Variants in RCC2 observed in about 807,000 individuals in gnomAD.
RCC2 encodes the protein protein RCC2.
In RCC2, 19 loss-of-function variants were observed where a neutral mutation model predicts 64.1. That is an observed-to-expected ratio of 0.30 (90% CI 0.21 to 0.44). The LOEUF is 0.44. Among genes scored for constraint, RCC2 ranks in the 20% least tolerant of loss-of-function variants. The probability of loss-of-function intolerance (pLI) is 1.00; values close to 1 mark genes in which losing one functional copy is unlikely to be tolerated. For synonymous variants in RCC2, 325 were observed against 279.6 expected (o/e 1.16, Z -1.62); for missense variants, 508 against 710.4 (o/e 0.72, Z 3.24).
chr1:17,413,538 C>T lies in RCC2; in HGVS notation c.1206G>A (p.Val402=), dbSNP rs1193877043. Residue 402 remains valine (V), a splice_region_variant and synonymous_variant, in exon 9 of 13, where the codon GTG becomes GTA. Transcript: ENST00000375436. ...AGCCAGGGGGCAGAAATCACTAACC[C>T]ACTTCACTGACAGCAAAGGAGCAGG... ...GYTCSFAVSE[V]GGLFFWGATN... 4.3e-6 allele frequency: 7 copies of T among 1,613,782 alleles called. No individual in the cohort carries two copies. Among genetic ancestry groups the T allele is most frequent in the Non-Finnish European group, 1.7e-6 (2 of 1,179,850 alleles).
At chr1:17,431,149 G>A (rs1281993549) in intron 2 of RCC2, among the ~76,000 whole-genome samples, 7 of 149,508 alleles carry the variant, frequency 4.7e-5, no homozygotes, top group African/African-American at 9.8e-5. Context: ...TGGCTAGCAC[G>A]GTGAAACCCC....
chr1:17,437,969 C>A (rs1247173464), intron 2 of RCC2, among the ~76,000 whole-genome samples: 3 of 145,748 alleles, frequency 2.1e-5, no homozygotes, highest in Non-Finnish European at 3.1e-5. Flanking sequence ...CCTCCCCCGC[C>A]GCGGGCCCGG....
chr1:17,423,183 C>T (rs2075574119), intron 4 of RCC2, among the ~76,000 whole-genome samples: 1 of 152,188 alleles, frequency 6.6e-6, no homozygotes, highest in Non-Finnish European at 1.5e-5. Context: ...CTTAGAGTGC[C>T]TGCAAGACAA....
intron 8 of RCC2, among the ~76,000 whole-genome samples, chr1:17,416,151 G>T (rs985604162): frequency 6.6e-6 from 1 of 151,520 alleles, no homozygotes; most frequent in Admixed American, 6.6e-5. Context: ...ACCATCTACT[G>T]ACCTGGAAAG....
chr1:17,435,243 T>C (rs2075723877), intron 2 of RCC2, among the ~76,000 whole-genome samples: 1 of 152,226 alleles, frequency 6.6e-6, no homozygotes, highest in Non-Finnish European at 1.5e-5. Flanking sequence ...AAAATGCACA[T>C]CTTTTACTCA....
At position 17,413,703 on chromosome 1, in the gene RCC2, G is replaced by C; in HGVS notation, c.1041C>G (p.Ser347=). 6.2e-7 allele frequency: 1 copy of C among 1,613,112 alleles called. No individual in the cohort carries two copies. Among genetic ancestry groups the C allele is most frequent in the South Asian group, 1.1e-5 (1 of 90,972 alleles). The change falls in exon 9 of 13, where the codon TCC becomes TCG. Residue 347 remains serine (S), a synonymous_variant. Coordinates refer to ENST00000375436, the MANE Select transcript of RCC2 (RefSeq NM_018715.4). The part of the protein sequence containing the change: ...CGANHTLVLD[S]QKRVFSWGFG... Reference sequence around the variant, plus strand: ...AGCCCCAGGAGAAGACTCGCTTCTGGGAGTCCAGGACCAGCTGCAAGGAAA... The same window carrying C: ...AGCCCCAGGAGAAGACTCGCTTCTGCGAGTCCAGGACCAGCTGCAAGGAAA...
chr1:17,412,921 G>A, intron 10 of RCC2, 152 bp downstream of exon 10: 5 of 628,594 alleles, frequency 8.0e-6, no homozygotes, highest in South Asian at 2.0e-5. Flanking sequence ...TGTACCCCCG[G>A]ACTCTGGGAT....
chr1:17,429,070 A>G, intron 3 of RCC2, 36 bp downstream of exon 3: 1 of 1,507,878 alleles, frequency 6.6e-7, no homozygotes. Context: ...GCACTTAAGA[A>G]GCACTCAATG....
rs559390308 is a variant in RCC2 at position 17,413,717 on chromosome 1, G to C, written c.1027C>G (p.Leu343Val). The change falls in exon 9 of 13, where the codon CTG becomes GTG. Residue 343 changes from leucine (L) to valine (V), a missense_variant and splice_region_variant. Physicochemically the swap from Leu to Val is conservative, Grantham distance 32. This residue lies in a region of RCC2 where 179 missense variants were observed against 322.0 expected (regional missense o/e 0.56). Transcript: ENST00000375436. The stretch of plus-strand genomic sequence containing the variant: ...ACTCGCTTCTGGGAGTCCAGGACCA[G>C]CTGCAAGGAAAGAAAACACAGGGTT... ...RDVACGANHTLVLDSQKRVFS... is the reference protein window; with the variant it reads ...RDVACGANHTVVLDSQKRVFS... 3 of 1,605,848 alleles carry C rather than the reference G, an allele frequency of 1.9e-6. No individual in the cohort carries two copies. In the African/African-American group the frequency reaches 4.0e-5, roughly 22 times the overall value.
At chr1:17,414,615 C>G (rs572092262) in intron 8 of RCC2, among the ~76,000 whole-genome samples, 1 of 151,912 alleles carries the variant, frequency 6.6e-6, no homozygotes, top group Non-Finnish European at 1.5e-5. Context: ...AAAGGCCTAC[C>G]TGTTCCTGGA....
chr1:17,421,668 C>A (rs1206478865), intron 6 of RCC2, among the ~76,000 whole-genome samples: 5 of 152,172 alleles, frequency 3.3e-5, no homozygotes, highest in African/African-American at 1.2e-4. Context: ...ACAGATTTCT[C>A]CATTTGGAAA....
At chr1:17,419,699 T>A (rs1399942425) in intron 7 of RCC2, among the ~76,000 whole-genome samples, 1 of 152,148 alleles carries the variant, frequency 6.6e-6, no homozygotes, top group Non-Finnish European at 1.5e-5. Flanking sequence ...ATGTCATGCT[T>A]CCTGACGGAA....
At chr1:17,414,547 C>T (rs991296284) in intron 8 of RCC2, among the ~76,000 whole-genome samples, 1 of 115,280 alleles carries the variant, frequency 8.7e-6, no homozygotes, top group Non-Finnish European at 1.9e-5. Context: ...AAAAACAAAA[C>T]GAAACAAAAA....
intron 11 of RCC2, 57 bp downstream of exon 11, chr1:17,412,065 C>A: frequency 6.7e-7 from 1 of 1,496,914 alleles, no homozygotes; most frequent in Non-Finnish European, 9.3e-7. Flanking sequence ...AACCCAAAGG[C>A]CATGAGCCAC....
chr1:17,416,767 G>C (rs909118573), intron 7 of RCC2, 121 bp from the exon 8 acceptor site: 4 of 973,034 alleles, frequency 4.1e-6, no homozygotes, highest in Non-Finnish European at 5.9e-6. Context: ...CTGGGCCTTA[G>C]ACCAGCACAC....
intron 1 of RCC2, 178 bp from the exon 2 acceptor site, chr1:17,438,700 C>A: frequency 1.9e-6 from 1 of 537,434 alleles, no homozygotes; most frequent in Non-Finnish European, 2.8e-6. Flanking sequence ...CTCCCTGGCC[C>A]CGGCGCGGCT....
At chr1:17,438,081 C>T (rs1310547867) in intron 2 of RCC2, 149 bp downstream of exon 2, 2 of 411,712 alleles carry the variant, frequency 4.9e-6, no homozygotes, top group Admixed American at 5.9e-5. Context: ...GAGGCGGAGG[C>T]AATGATTCAG....
At chr1:17,417,834 G>T (rs890159990) in intron 7 of RCC2, among the ~76,000 whole-genome samples, 1 of 151,950 alleles carries the variant, frequency 6.6e-6, no homozygotes, top group African/African-American at 2.4e-5. Flanking sequence ...AATACAGTCA[G>T]CCCTCCATGG....
intron 2 of RCC2, among the ~76,000 whole-genome samples, chr1:17,436,387 C>T (rs1025693870): frequency 6.6e-6 from 1 of 152,098 alleles, no homozygotes; most frequent in African/African-American, 2.4e-5. Context: ...ACTTGTAATC[C>T]CAGCTGCTCG....
Sources: gnomAD v4.1 joint callset for allele counts (sites outside exome capture counted in the v4.1 genomes callset) on GRCh38, gnomAD v4.1.1 for gene constraint, gnomAD v4.1.1 regional missense constraint, MANE v1.5 for transcripts, NCBI Gene and HGNC (gene_info 2026-07-23, HGNC 2026-07-21) for gene names.